Variants in CD276 observed in about 807,000 individuals in gnomAD.
The protein encoded by CD276 is CD276 antigen.
In CD276, 34 loss-of-function variants were observed where a neutral mutation model predicts 50.0. The observed-to-expected ratio is 0.68, with a 90% CI of 0.52 to 0.91. CD276 has a LOEUF of 0.91. Ranked by LOEUF, CD276 falls within the 40% of genes least tolerant of loss-of-function variation. The pLI is 0.00. For synonymous variants in CD276, 275 were observed against 313.0 expected (o/e 0.88, Z 1.28); for missense variants, 634 against 717.5 (o/e 0.88, Z 1.33).
At chr15:73,700,230 A>G (rs1000553553) in intron 2 of CD276, among the ~76,000 whole-genome samples, 5 of 152,216 alleles carry the variant, frequency 3.3e-5, no homozygotes, top group Admixed American at 6.5e-5. Flanking sequence ...TCTCAGGGCC[A>G]GAGCGGCTGT....
chr15:73,685,137 GA>G (rs1477321429), intron 1 of CD276: 1 of 148,584 alleles, frequency 6.7e-6, no homozygotes, highest in Non-Finnish European at 1.5e-5. Flanking sequence ...GGTGGGGAGG[GA>G]ATTGGGATGG....
intron 1 of CD276, among the ~76,000 whole-genome samples, chr15:73,690,947 C>T (rs1050462434): frequency 1.1e-5 from 1 of 91,696 alleles, no homozygotes; most frequent in Admixed American, 1.2e-4. Context: ...CTATGATTAA[C>T]TATTGAAGGC....
In CD276 at chr15:73,713,284, T is replaced by A. The variant is rs1358580772; in HGVS notation, c.*328T>A. ...CACTGACCACATCACCACCCTCTTC[T>A]TCCAGTGCTGCGTGGACCATCTGGC... On this transcript the variant is annotated 3_prime_UTR_variant, in exon 10 of 10. Coordinates refer to ENST00000318443, the MANE Select transcript of CD276 (RefSeq NM_001024736.2). The A allele has an allele frequency of 2.9e-6, 1 of 350,156 alleles. No individual in the cohort carries two copies. Among genetic ancestry groups the A allele is most frequent in the African/African-American group, 2.2e-5 (1 of 46,176 alleles). The allele number at this position is 350,156 out of a possible 1,614,324, so 21.7% of individuals were successfully genotyped here. A position where few individuals can be genotyped will look rare whatever the true frequency, so the allele number is the denominator to read the frequency against.
intron 6 of CD276, among the ~76,000 whole-genome samples, chr15:73,705,996 T>C (rs1417644639): frequency 6.6e-6 from 1 of 152,222 alleles, no homozygotes; most frequent in African/African-American, 2.4e-5. Context: ...ACACCTGTAA[T>C]CCCAGCACTT....
chr15:73,705,684 A>C (rs1402876745), intron 6 of CD276, among the ~76,000 whole-genome samples: 1 of 152,088 alleles, frequency 6.6e-6, no homozygotes, highest in Non-Finnish European at 1.5e-5. Flanking sequence ...GAAAAGAAGA[A>C]ATAGAAGATA....
chr15:73,689,812 A>T (rs892893742), intron 1 of CD276, among the ~76,000 whole-genome samples: 1 of 152,120 alleles, frequency 6.6e-6, no homozygotes, highest in African/African-American at 2.4e-5. Flanking sequence ...CCAGCCCAAC[A>T]TGCGATATGG....
chr15:73,693,436 T>A (rs1434947587), intron 1 of CD276, among the ~76,000 whole-genome samples: 4 of 152,118 alleles, frequency 2.6e-5, no homozygotes, highest in African/African-American at 9.7e-5. Context: ...GAAAAAAATG[T>A]TGTGGCAGTT....
At position 73,714,045 on chromosome 15, in the gene CD276, C is replaced by G. The variant is rs1426941098; in HGVS notation, c.*1089C>G. On this transcript the variant is annotated 3_prime_UTR_variant, in exon 10 of 10. Coordinates refer to ENST00000318443, the MANE Select transcript of CD276 (RefSeq NM_001024736.2). The stretch of plus-strand genomic sequence containing the variant: ...CTGTGGCTCAAGGCTTCCTGGATAC[C>G]TCACCCCCATCCCACCCATAATTCT... The G allele has an allele frequency of 3.4e-5, 10 of 294,972 alleles. No individual in the cohort carries two copies. The highest frequency in any genetic ancestry group is 6.4e-6 in the Non-Finnish European group (1 of 157,358). 18.3% of individuals were successfully genotyped at this position (294,972 alleles called of 1,614,324 possible). A position where few individuals can be genotyped will look rare whatever the true frequency, so the allele number is the denominator to read the frequency against.
intron 2 of CD276, among the ~76,000 whole-genome samples, chr15:73,700,987 T>C (rs1233735499): frequency 1.5e-5 from 1 of 65,332 alleles, no homozygotes; most frequent in African/African-American, 6.1e-5. Flanking sequence ...CACTGCAACC[T>C]CCACCTCCCA....
intron 9 of CD276, chr15:73,711,634 G>A (rs1431601739): frequency 1.2e-5 from 2 of 167,982 alleles, no homozygotes; most frequent in Non-Finnish European, 2.6e-5. Context: ...CATTCCATTG[G>A]TCAGAACCCA....
intron 3 of CD276, 77 bp from the exon 4 acceptor site, chr15:73,702,695 C>G: frequency 1.3e-6 from 2 of 1,561,150 alleles, no homozygotes; most frequent in Non-Finnish European, 1.7e-6. Flanking sequence ...AGTGCTGATT[C>G]CTGTACTCAG....
At chr15:73,683,947 C>T (rs1899634382), upstream of CD276, 1 of 152,340 alleles carries the variant, frequency 6.6e-6, no homozygotes, top group South Asian at 2.1e-4. Flanking sequence ...GCTCTTAATT[C>T]CTCGCAGTCG....
intron 2 of CD276, among the ~76,000 whole-genome samples, chr15:73,701,947 A>G (rs1324510736): frequency 1.3e-5 from 2 of 152,194 alleles, no homozygotes; most frequent in African/African-American, 4.8e-5. Flanking sequence ...TTTTCCTCAC[A>G]TACCTTAGTC....
chr15:73,688,182 T>G (rs1055511879), intron 1 of CD276, among the ~76,000 whole-genome samples: 1 of 151,828 alleles, frequency 6.6e-6, no homozygotes, highest in African/African-American at 2.4e-5. Context: ...GAGGCCCAGA[T>G]GTGTGGCCTG....
At chr15:73,708,565 T>A in intron 7 of CD276, 92 bp downstream of exon 7, 1 of 1,406,378 alleles carries the variant, frequency 7.1e-7, no homozygotes, top group Non-Finnish European at 9.7e-7. Flanking sequence ...TGTCACTTTC[T>A]AGTGACAGAA....
chr15:73,699,679 G>A lies in CD276; in HGVS notation c.40G>A (p.Val14Met), dbSNP rs1474476400. The change falls in exon 2 of 10, where the codon GTG (valine) becomes ATG (methionine). Residue 14 changes from valine (V) to methionine (M), a missense_variant. Transcript: ENST00000318443. ...RRGSPGMGVHVGAALGALWFC... is the reference protein window; with the variant it reads ...RRGSPGMGVHMGAALGALWFC... ...GGGCAGCCCTGGCATGGGTGTGCAT[G>A]TGGGTGCAGCCCTGGGAGCACTGTG... The A allele has an allele frequency of 9.9e-6, 16 of 1,612,944 alleles. No individual in the cohort carries two copies. The highest frequency in any genetic ancestry group is 1.3e-5 in the Non-Finnish European group (15 of 1,179,394).
chr15:73,711,382 C>T, intron 9 of CD276: 1 of 577,756 alleles, frequency 1.7e-6, no homozygotes, highest in Non-Finnish European at 3.1e-6. Context: ...GAGGCTTAAG[C>T]AGGACAGGAG....
At position 73,703,846 on chromosome 15, in the gene CD276, T is replaced by C; in HGVS notation, c.921T>C (p.Tyr307=). ...AAGGCCGGGACCAGGGCAGCGCCTATGCCAACCGCACGGCCCTCTTCCCGG... is the reference window on the plus strand; with the variant it reads ...AAGGCCGGGACCAGGGCAGCGCCTACGCCAACCGCACGGCCCTCTTCCCGG... ...FTEGRDQGSA[Y]ANRTALFPDL... Residue 307 remains tyrosine (Y), a synonymous_variant, in exon 5 of 10, where the codon TAT becomes TAC. Transcript: ENST00000318443. 1 of 1,613,632 alleles carries C rather than the reference T, an allele frequency of 6.2e-7. No individual in the cohort carries two copies. Among genetic ancestry groups the C allele is most frequent in the Non-Finnish European group, 8.5e-7 (1 of 1,180,012 alleles).
chr15:73,692,394 G>T (rs1900020471), intron 1 of CD276, among the ~76,000 whole-genome samples: 1 of 152,056 alleles, frequency 6.6e-6, no homozygotes, highest in African/African-American at 2.4e-5. Context: ...TTTTAAATAT[G>T]CCATTTAGCA....
Sources: gnomAD v4.1 joint callset for allele counts (sites outside exome capture counted in the v4.1 genomes callset) on GRCh38, gnomAD v4.1.1 for gene constraint, MANE v1.5 for transcripts, NCBI Gene and HGNC (gene_info 2026-07-23, HGNC 2026-07-21) for gene names.